Variants in NEB observed in about 807,000 individuals in gnomAD.
NEB encodes the protein nebulin.
A neutral mutation model predicts 952.2 loss-of-function variants in NEB; 512 were observed. The observed-to-expected ratio is 0.54, with a 90% confidence interval of 0.50 to 0.58. The LOEUF (loss-of-function observed/expected upper bound fraction) is 0.58, where lower values mean the gene tolerates loss of function less well. Ranked by LOEUF, NEB falls within the 20% of genes least tolerant of loss-of-function variation. The pLI, the probability that NEB is intolerant of heterozygous loss-of-function variation, is 0.00. For missense variants in NEB, 8,428 were observed against 9,231.1 expected, an observed-to-expected ratio of 0.91 and a Z score of 3.56; for synonymous variants, 2,900 against 3,149.8, an observed-to-expected ratio of 0.92 and a Z score of 2.66.
At chr2:151,724,070 C>A (rs2099783513) in intron 8 of NEB, among the ~76,000 whole-genome samples, 190 bp downstream of exon 8, 1 of 152,166 alleles carries the variant, frequency 6.6e-6, no homozygotes, top group Admixed American at 6.5e-5. Context: ...CCTCTCCCCA[C>A]TCTGCCTAGG....
At position 151,496,989 on chromosome 2, in the gene NEB, G is replaced by T; in HGVS notation, c.24345C>A (p.Val8115=). 2 of 1,580,658 alleles carry T rather than the reference G, an allele frequency of 1.3e-6. No individual in the cohort carries two copies. The highest frequency in any genetic ancestry group is 1.3e-5 in the African/African-American group (1 of 74,454). The change falls in exon 172 of 182, where the codon GTC becomes GTA. Residue 8115 remains valine, a synonymous_variant. Transcript: ENST00000397345. ...GTTTGACTCTCTCCATCTCAGGAGT[G>T]ACAGGTAGAGGGGTTCCCTTGCCCA... ...ENMGKGTPLP[V]TPEMERVKHN... is the part of the protein sequence containing the mutation.
intron 165 of NEB, among the ~76,000 whole-genome samples, chr2:151,504,604 G>T (rs532408242): frequency 6.6e-6 from 1 of 152,302 alleles, no homozygotes; most frequent in South Asian, 2.1e-4. Context: ...AATCAAATGA[G>T]AGTTCAGTCC....
Position 151,610,885 on chromosome 2 carries a change from T to C in NEB, c.11806-19A>G, listed in dbSNP as rs2097923934. On this transcript the variant is annotated intron_variant, in intron 78 of 181. Coordinates refer to ENST00000397345, the MANE Select transcript of NEB (RefSeq NM_001164508.2). ...ATAAATGCTACAGGGCAGGGCGGCATGGGGCATGGGGAGAGGGAGGGAGTA... is the reference window on the plus strand; with the variant it reads ...ATAAATGCTACAGGGCAGGGCGGCACGGGGCATGGGGAGAGGGAGGGAGTA... 6.7e-7 allele frequency: 1 copy of C among 1,488,990 alleles called. No individual in the cohort carries two copies. Among genetic ancestry groups the C allele is most frequent in the Non-Finnish European group, 9.1e-7 (1 of 1,095,322 alleles). The allele number at this position is 1,488,990 out of a possible 1,614,324, so 92.2% of individuals were successfully genotyped here. A position where few individuals can be genotyped will look rare whatever the true frequency, so the allele number is the denominator to read the frequency against.
At chr2:151,504,182 C>T (rs369105505) in intron 165 of NEB, among the ~76,000 whole-genome samples, 3 of 152,176 alleles carry the variant, frequency 2.0e-5, no homozygotes, top group African/African-American at 7.2e-5. Flanking sequence ...TGGATGGATT[C>T]CCTGGTGTAT....
At chr2:151,491,583 A>G (rs1013923835) in intron 179 of NEB, 100 bp downstream of exon 179, 5 of 1,005,856 alleles carry the variant, frequency 5.0e-6, no homozygotes, top group Non-Finnish European at 7.6e-6. Flanking sequence ...GAAAATGGAA[A>G]ACTCTGGAGG....
At chr2:151,529,126 C>T in intron 146 of NEB, 84 bp downstream of exon 146, 1 of 882,932 alleles carries the variant, frequency 1.1e-6, no homozygotes, top group Non-Finnish European at 1.9e-6. Flanking sequence ...AGCTGAATTG[C>T]CTGAAGAGAT....
In NEB at chr2:151,650,869, C is replaced by G. The variant is rs372655602; in HGVS notation, c.6932G>C (p.Gly2311Ala). ...ATGGTGGCCAAGTTGCTTTCGGTAG[C>G]CTTGTTTGTATTTATACTGAAATCA... is the stretch of plus-strand genomic sequence containing the variant. ...DIASDYKYKQ[G>A]YRKQLGHHVG... The change falls in exon 53 of 182, where the codon GGC becomes GCC. Residue 2311 changes from glycine to alanine, a missense_variant. Around this residue, in one of 11 missense-constraint regions of NEB, gnomAD observed 2,851 missense variants for 2,791.5 expected, o/e 1.02. Transcript: ENST00000397345. The G allele has an allele frequency of 4.3e-6, 7 of 1,611,676 alleles. No homozygotes were observed. In the African/African-American group the frequency reaches 9.4e-5, roughly 22 times the overall value.
chr2:151,506,613 A>T (rs181400452), intron 163 of NEB, among the ~76,000 whole-genome samples: 2 of 152,186 alleles, frequency 1.3e-5, no homozygotes, highest in Non-Finnish European at 1.5e-5. Context: ...GGATAACAAA[A>T]GAAATCACAA....
intron 102 of NEB, 37 bp from the exon 103 acceptor site, chr2:151,581,624 T>C (rs1170662497): frequency 8.6e-7 from 1 of 1,162,706 alleles, no homozygotes; most frequent in South Asian, 1.3e-5. Context: ...GGTCAATTAG[T>C]AAATAAGTCA....
chr2:151,698,707 G>A (rs1302217037), intron 13 of NEB, among the ~76,000 whole-genome samples: 2 of 146,718 alleles, frequency 1.4e-5, no homozygotes, highest in East Asian at 4.0e-4. Context: ...GCACAAACTC[G>A]GCTCACTGCA....
rs1326017081 is a variant in NEB, at chr2:151,664,843, C to T, written c.5259G>A (p.Trp1753Ter). 6.2e-7 allele frequency: 1 copy of T among 1,612,118 alleles called. No homozygotes were observed. Residue 1753 changes from tryptophan (W) to a stop codon, truncating the protein, a stop_gained, in exon 43 of 182, where the codon TGG becomes TGA. Coordinates refer to ENST00000397345, the MANE Select transcript of NEB (RefSeq NM_001164508.2). LOFTEE classifies it high-confidence loss of function. ...CATGAATGGTGGTCTTGTCCTTGTTCCATTTTTCAGTGTAGAGCCTCTGCA... is the reference window on the plus strand; with the variant it reads ...CATGAATGGTGGTCTTGTCCTTGTTTCATTTTTCAGTGTAGAGCCTCTGCA... ...NMDKRLYTEK[W>*]NKDKTTIHVM...
Position 151,498,333 on chromosome 2 carries a change from A to C in NEB, c.24134T>G (p.Leu8045Arg), listed in dbSNP as rs1434684086. Residue 8045 changes from leucine to arginine, a missense_variant, in exon 170 of 182, where the codon CTG (leucine) becomes CGG (arginine). Coordinates refer to ENST00000397345, the MANE Select transcript of NEB (RefSeq NM_001164508.2). ...GATGGGGATTGGAATTCCTGTCCCC[A>C]GGTTTTCTTTGTATAGCACCTGTAT... ...NFSSVLYKENLGTGIPIPITP... is the reference protein window; with the variant it reads ...NFSSVLYKENRGTGIPIPITP... 2.6e-6 allele frequency: 4 copies of C among 1,551,124 alleles called. No homozygotes were observed.
In NEB at chr2:151,499,361, C is replaced by A; in HGVS notation, c.24051G>T (p.Gly8017=). 5 of 1,546,222 alleles carry A rather than the reference C, an allele frequency of 3.2e-6. No homozygotes were observed. The highest frequency in any genetic ancestry group is 4.4e-6 in the Non-Finnish European group (5 of 1,143,436). The change falls in exon 169 of 182, where the codon GGG becomes GGT. Residue 8017 remains glycine, a synonymous_variant. Transcript: ENST00000397345. ...SVLYKENVGK[G]IPIPITPEME... Reference sequence around the variant, plus strand: ...TCTCTGGAGTGATGGGGATTGGAATCCCTTTTCCAACGTTTTCTTTATACA... The same window carrying A: ...TCTCTGGAGTGATGGGGATTGGAATACCTTTTCCAACGTTTTCTTTATACA...
chr2:151,614,181 T>TAATTATCCTAAAGAGGTGAAAC, intron 77 of NEB, 95 bp downstream of exon 77: 1 of 1,383,616 alleles, frequency 7.2e-7, no homozygotes, highest in South Asian at 1.4e-5. Flanking sequence ...TAAAGAGGTG[T>TAATTATCCTAAAGAGGTGAAAC]CTGTAGGTTT....
At chr2:151,557,183 G>T (rs1430475873) in intron 124 of NEB, among the ~76,000 whole-genome samples, 1 of 152,050 alleles carries the variant, frequency 6.6e-6, no homozygotes, top group Admixed American at 6.6e-5. Flanking sequence ...TGATAAAGGG[G>T]ATATCACCAC....
intron 40 of NEB, among the ~76,000 whole-genome samples, chr2:151,667,536 ATTTT>A (rs541077365): frequency 6.6e-6 from 1 of 151,346 alleles, no homozygotes; most frequent in Non-Finnish European, 1.5e-5. Context: ...TCACATATAG[ATTTT>A]TTTTTCTTTT....
intron 27 of NEB, among the ~76,000 whole-genome samples, chr2:151,687,082 TATC>T (rs540412767): frequency 1.2e-3 from 188 of 152,318 alleles, no homozygotes; most frequent in African/African-American, 4.1e-3. Flanking sequence ...GTTTGAAAAT[TATC>T]ATTTTAAAAA....
chr2:151,567,907 A>C (rs2096476382), intron 113 of NEB, among the ~76,000 whole-genome samples, 164 bp downstream of exon 113: 1 of 152,136 alleles, frequency 6.6e-6, no homozygotes, highest in Non-Finnish European at 1.5e-5. Context: ...CCATGGAAGA[A>C]AGACCGAAAA....
chr2:151,733,258 A>C (rs2099813296), intron 2 of NEB, 73 bp from the exon 3 acceptor site: 2 of 1,093,618 alleles, frequency 1.8e-6, no homozygotes, highest in Non-Finnish European at 2.6e-6. Flanking sequence ...ATGACATTAT[A>C]AAAATAGAAT....
Sources: gnomAD v4.1 joint callset for allele counts (sites outside exome capture counted in the v4.1 genomes callset) on GRCh38, gnomAD v4.1.1 for gene constraint, gnomAD v4.1.1 regional missense constraint, MANE v1.5 for transcripts, NCBI Gene and HGNC (gene_info 2026-07-23, HGNC 2026-07-21) for gene names.